The following GANAB variants were observed in gnomAD, a reference collection of about 807,000 sequenced individuals.
The protein encoded by GANAB is glucosidase II alpha subunit.
In GANAB, 35 loss-of-function variants were observed where a neutral mutation model predicts 129.9. The observed-to-expected ratio is 0.27, with a 90% CI of 0.21 to 0.36. The LOEUF is 0.36. Among genes scored for constraint, GANAB ranks in the 10% least tolerant of loss-of-function variants. The pLI is 1.00. For synonymous variants in GANAB, 482 were observed against 451.8 expected, an observed-to-expected ratio of 1.07 and a Z score of -0.85; for missense variants, 939 against 1,221.0, an observed-to-expected ratio of 0.77 and a Z score of 3.44.
rs2134468200 is a variant in GANAB, at chr11:62,628,677, G to T, written c.2180+92C>A. 6 of 1,301,026 alleles carry T rather than the reference G, an allele frequency of 4.6e-6. No homozygotes were observed. The South Asian group carries it at 6.4e-5, about 14-fold the overall frequency. The allele number at this position is 1,301,026 out of a possible 1,614,324, so 80.6% of individuals were successfully genotyped here. On this transcript the variant is annotated intron_variant, in intron 17 of 23. Transcript: ENST00000356638. ...ATTTTCCATCCTTTACAAGGCTGTA[G>T]TGAGTGAAGAAAGAGACCCAGAGAT... is the stretch of plus-strand genomic sequence containing the variant.
intron 1 of GANAB, among the ~76,000 whole-genome samples, chr11:62,641,494 A>T (rs1273574102): frequency 1.3e-5 from 2 of 152,128 alleles, no homozygotes; most frequent in Non-Finnish European, 2.9e-5. Flanking sequence ...CTGAAAAAAA[A>T]TAACAATAGC....
At chr11:62,642,447 T>G (rs1204482120) in intron 1 of GANAB, among the ~76,000 whole-genome samples, 1 of 151,928 alleles carries the variant, frequency 6.6e-6, no homozygotes, top group Non-Finnish European at 1.5e-5. Context: ...CTTTTTTTTT[T>G]TTTTTGAGAT....
intron 1 of GANAB, among the ~76,000 whole-genome samples, chr11:62,640,769 C>T (rs1944215194): frequency 7.6e-6 from 1 of 131,560 alleles, no homozygotes; most frequent in South Asian, 2.5e-4. Flanking sequence ...GGAGGTGGAG[C>T]TTGCAGTGAG....
intron 17 of GANAB, among the ~76,000 whole-genome samples, chr11:62,627,803 G>C (rs1273182574): frequency 1.3e-5 from 2 of 152,328 alleles, no homozygotes; most frequent in Non-Finnish European, 1.5e-5. Context: ...AGACAGTCGG[G>C]TTGGGGTTCA....
chr11:62,638,092 G>A (rs950823416), intron 4 of GANAB, among the ~76,000 whole-genome samples: 5 of 152,062 alleles, frequency 3.3e-5, no homozygotes, highest in East Asian at 3.8e-4. Context: ...TCAGAATAAC[G>A]ACTACCTACG....
intron 18 of GANAB, 23 bp downstream of exon 18, chr11:62,627,266 C>A: frequency 6.6e-7 from 1 of 1,516,982 alleles, no homozygotes; most frequent in South Asian, 1.1e-5. Context: ...GCCAACCCAC[C>A]ACCAACTATC....
rs929972934 is a variant in GANAB, at chr11:62,636,576, G to A, written c.381-1576C>T. Reference sequence around the variant, plus strand: ...TCATTCCTGTAATCTCAGCACTTTCGGAGGCCGAGGCAGGTGGATCATGAG... The same window carrying A: ...TCATTCCTGTAATCTCAGCACTTTCAGAGGCCGAGGCAGGTGGATCATGAG... On this transcript the variant is annotated intron_variant, in intron 4 of 23. Coordinates refer to ENST00000356638, the MANE Select transcript of GANAB (RefSeq NM_198334.3). 1.2e-4 allele frequency among the ~76,000 whole-genome samples: 19 copies of A among 152,232 alleles called. No homozygotes were observed. In the South Asian group the frequency reaches 1.7e-3, roughly 13 times the overall value.
At chr11:62,642,850 G>A (rs1344493815) in intron 1 of GANAB, among the ~76,000 whole-genome samples, 1 of 152,094 alleles carries the variant, frequency 6.6e-6, no homozygotes, top group African/African-American at 2.4e-5. Flanking sequence ...TGAATATAGG[G>A]TTGGGGTTTA....
intron 1 of GANAB, among the ~76,000 whole-genome samples, chr11:62,643,249 T>C (rs1454540475): frequency 6.6e-6 from 1 of 152,234 alleles, no homozygotes; most frequent in Non-Finnish European, 1.5e-5. Flanking sequence ...CTCACACCTA[T>C]AATCTTGGCA....
chr11:62,634,233 C>T, intron 5 of GANAB: 1 of 955,256 alleles, frequency 1.0e-6, no homozygotes, highest in Non-Finnish European at 1.7e-6. Context: ...GGGTCTGGGG[C>T]ACCTCCCCCC....
chr11:62,638,300 C>T (rs952651699), intron 4 of GANAB, among the ~76,000 whole-genome samples: 4 of 152,028 alleles, frequency 2.6e-5, no homozygotes, highest in African/African-American at 4.8e-5. Context: ...ATTACAGGTC[C>T]GCACCACCAC....
intron 17 of GANAB, 69 bp downstream of exon 17, chr11:62,628,700 G>A: frequency 6.6e-7 from 1 of 1,520,368 alleles, no homozygotes; most frequent in Non-Finnish European, 9.1e-7. Flanking sequence ...GAGACCCAGA[G>A]ATGAAGCCCA....
chr11:62,634,751 G>A (rs928448583), intron 5 of GANAB, 70 bp downstream of exon 5: 35 of 1,281,546 alleles, frequency 2.7e-5, no homozygotes, highest in African/African-American at 1.0e-4. Context: ...TCTCCTCCCC[G>A]TGCCAGACCT....
At chr11:62,637,322 G>C (rs1943989232) in intron 4 of GANAB, among the ~76,000 whole-genome samples, 1 of 152,120 alleles carries the variant, frequency 6.6e-6, no homozygotes, top group Non-Finnish European at 1.5e-5. Flanking sequence ...GGTGGCTCAA[G>C]CCTGTAATCC....
chr11:62,643,536 A>G (rs983564436), intron 1 of GANAB, among the ~76,000 whole-genome samples: 1 of 151,942 alleles, frequency 6.6e-6, no homozygotes, highest in Non-Finnish European at 1.5e-5. Context: ...CCAGCTACTC[A>G]GGAGGCTGAG....
chr11:62,627,631 C>T (rs1000153104), intron 17 of GANAB, among the ~76,000 whole-genome samples: 2 of 152,134 alleles, frequency 1.3e-5, no homozygotes, highest in Non-Finnish European at 2.9e-5. Context: ...ACTCAGGAGG[C>T]TGAGGCTGGA....
At position 62,627,188 on chromosome 11, in the gene GANAB, T is replaced by C. The variant is rs1943433209; in HGVS notation, c.2246-64A>G. The C allele has an allele frequency of 3.4e-6, 5 of 1,482,128 alleles. No individual in the cohort carries two copies. The African/African-American group carries it at 4.2e-5, about 12-fold the overall frequency. 91.8% of individuals were successfully genotyped at this position (1,482,128 alleles called of 1,614,324 possible). A position where few individuals can be genotyped will look rare whatever the true frequency, so the allele number is the denominator to read the frequency against. The stretch of plus-strand genomic sequence containing the variant: ...GTTCCCAGAACAGGGAACACCAAAG[T>C]GCCTGCCCTCTGCACCACCAGCTTC... On this transcript the variant is annotated intron_variant, in intron 18 of 23. Coordinates refer to ENST00000356638, the MANE Select transcript of GANAB (RefSeq NM_198334.3).
In GANAB at chr11:62,630,593, C is replaced by T. The variant is rs200638573; in HGVS notation, c.1386+8G>A. ...CTGAGAAGACCAAGCGTGACTGCAA[C>T]CCCTTACCTTCCGCCTCTTAGAAGC... is the stretch of plus-strand genomic sequence containing the variant. On this transcript the variant is annotated splice_region_variant and intron_variant, in intron 11 of 23. Transcript: ENST00000356638. 1.3e-5 allele frequency: 21 copies of T among 1,611,172 alleles called. No individual in the cohort carries two copies. Among genetic ancestry groups the T allele is most frequent in the Middle Eastern group, 1.7e-4 (1 of 6,048 alleles).
chr11:62,637,293 G>A (rs979212994), intron 4 of GANAB, among the ~76,000 whole-genome samples: 1 of 152,146 alleles, frequency 6.6e-6, no homozygotes, highest in African/African-American at 2.4e-5. Flanking sequence ...ATTAATAATA[G>A]GGAAGGCTGG....
Sources: gnomAD v4.1 joint callset for allele counts (sites outside exome capture counted in the v4.1 genomes callset) on GRCh38, gnomAD v4.1.1 for gene constraint, MANE v1.5 for transcripts, NCBI Gene and HGNC (gene_info 2026-07-23, HGNC 2026-07-21) for gene names.